The following KIF6 variants were observed in gnomAD, a reference collection of about 807,000 sequenced individuals.
KIF6 encodes kinesin-like protein KIF6.
A neutral mutation model predicts 112.7 loss-of-function variants in KIF6; 106 were observed. That is an observed-to-expected ratio of 0.94 (90% confidence interval 0.80 to 1.11). KIF6 has a LOEUF of 1.11. Among genes scored for constraint, KIF6 ranks in the 50% least tolerant of loss-of-function variants. KIF6 has a pLI of 0.00. For synonymous variants in KIF6, 339 were observed against 339.9 expected (o/e 1.00, Z 0.03); for missense variants, 929 against 964.0 (o/e 0.96, Z 0.48).
At chr6:39,478,682 G>T (rs370570395) in intron 13 of KIF6, among the ~76,000 whole-genome samples, 1 of 148,558 alleles carries the variant, frequency 6.7e-6, no homozygotes, top group South Asian at 2.1e-4. Context: ...CCTGTTCACT[G>T]CATCCATGAC....
At chr6:39,694,947 C>T (rs1788436879) in intron 3 of KIF6, among the ~76,000 whole-genome samples, 1 of 152,230 alleles carries the variant, frequency 6.6e-6, no homozygotes, top group South Asian at 2.1e-4. Flanking sequence ...ATCAAAAAAG[C>T]ATAGTACTAT....
rs61215070 is a variant in KIF6 at position 39,584,417 on chromosome 6, TAAA to T, written c.1077+478_1077+480del. 7.5e-3 allele frequency among the ~76,000 whole-genome samples: 346 copies of T among 46,040 alleles called. 8 individuals are homozygous for T. Among genetic ancestry groups the T allele is most frequent in the Middle Eastern group, 0.017 (1 of 58 alleles). 30.2% of individuals were successfully genotyped at this position (46,040 alleles called of 152,430 possible). On this transcript the variant is annotated intron_variant, in intron 9 of 22. Coordinates refer to ENST00000287152, the MANE Select transcript of KIF6 (RefSeq NM_145027.6). ...TCCAGCCTGAGCAAGACTCTGTCTC[TAAA>T]AAAAAAAAAAAAAAAAAAAAAAAAA... is the stretch of plus-strand genomic sequence containing the variant.
At chr6:39,513,258 C>T (rs1373839738) in intron 13 of KIF6, among the ~76,000 whole-genome samples, 3 of 152,196 alleles carry the variant, frequency 2.0e-5, no homozygotes, top group Admixed American at 2.0e-4. Context: ...CCTGTGGCAT[C>T]TGCATCAGCT....
chr6:39,605,181 T>A (rs1464422276), intron 6 of KIF6, among the ~76,000 whole-genome samples: 2 of 152,126 alleles, frequency 1.3e-5, no homozygotes, highest in African/African-American at 4.8e-5. Flanking sequence ...CCAAAATGTC[T>A]GCCCAACCCC....
chr6:39,509,441 G>C (rs772776162), intron 13 of KIF6, among the ~76,000 whole-genome samples: 1 of 152,194 alleles, frequency 6.6e-6, no homozygotes, highest in Non-Finnish European at 1.5e-5. Flanking sequence ...TCTGAGCTAA[G>C]AAGCATGTTC....
chr6:39,717,032 T>C (rs1381440963), intron 2 of KIF6, among the ~76,000 whole-genome samples: 1 of 152,186 alleles, frequency 6.6e-6, no homozygotes. Context: ...CACGCTACCA[T>C]AATTTCTTGC....
intron 19 of KIF6, among the ~76,000 whole-genome samples, chr6:39,353,097 A>G (rs535074445): frequency 7.2e-5 from 11 of 152,272 alleles, no homozygotes; most frequent in African/African-American, 2.2e-4. Flanking sequence ...GCTGGATTGT[A>G]TGGTAAGATC....
At chr6:39,724,846 G>C (rs1006952613) in intron 1 of KIF6, among the ~76,000 whole-genome samples, 3 of 152,198 alleles carry the variant, frequency 2.0e-5, no homozygotes, top group Admixed American at 6.5e-5. Context: ...GTGCCAAAAT[G>C]TACCTTTGAG....
intron 16 of KIF6, among the ~76,000 whole-genome samples, chr6:39,375,741 C>T (rs938929645): frequency 6.6e-6 from 1 of 152,198 alleles, no homozygotes; most frequent in Non-Finnish European, 1.5e-5. Context: ...GATTTCTCAG[C>T]CTCCACACTG....
chr6:39,714,744 C>G lies in KIF6; in HGVS notation c.199G>C (p.Asp67His). The G allele has an allele frequency of 6.2e-7, 1 of 1,612,994 alleles. No individual in the cohort carries two copies. The highest frequency in any genetic ancestry group is 8.5e-7 in the Non-Finnish European group (1 of 1,179,152). ...TCAAAAACGGTCTCTTGGTTTGCAT[C>G]CTGATCAAAAATTCTTTGAAATCTG... ...KFKFQRIFDQ[D>H]ANQETVFENI... The change falls in exon 3 of 23, where the codon GAT (aspartate) becomes CAT (histidine). Residue 67 changes from aspartate (D) to histidine (H), a missense_variant. Transcript: ENST00000287152.
intron 5 of KIF6, among the ~76,000 whole-genome samples, chr6:39,615,042 C>T (rs1288748904): frequency 6.6e-6 from 1 of 152,046 alleles, no homozygotes; most frequent in African/African-American, 2.4e-5. Flanking sequence ...GGTGCAGTGG[C>T]TCAAGCTTGT....
chr6:39,618,561 T>C (rs1011689812), intron 5 of KIF6, among the ~76,000 whole-genome samples: 1 of 152,162 alleles, frequency 6.6e-6, no homozygotes, highest in Non-Finnish European at 1.5e-5. Context: ...AACAAACTTT[T>C]TGTGGCAATA....
intron 2 of KIF6, among the ~76,000 whole-genome samples, chr6:39,718,098 T>C (rs1461168425): frequency 2.6e-5 from 4 of 151,536 alleles, no homozygotes; most frequent in Non-Finnish European, 5.9e-5. Flanking sequence ...GGTGTGGTGT[T>C]GCATGCCTGT....
intron 16 of KIF6, among the ~76,000 whole-genome samples, chr6:39,379,147 A>G (rs1766707952): frequency 6.6e-6 from 1 of 152,244 alleles, no homozygotes; most frequent in Non-Finnish European, 1.5e-5. Flanking sequence ...ATTAGTTAGT[A>G]TGCTTCCTGC....
chr6:39,474,951 C>T (rs1247949263), intron 13 of KIF6, among the ~76,000 whole-genome samples: 2 of 152,216 alleles, frequency 1.3e-5, no homozygotes, highest in Admixed American at 1.3e-4. Flanking sequence ...CAGATTATTA[C>T]AAAAACAATT....
rs1554212019 is a variant in KIF6 at position 39,418,061 on chromosome 6, G to GA, written c.1810+1886_1810+1887insT. Among the ~76,000 whole-genome samples the GA allele has an allele frequency of 3.6e-3, 549 of 151,944 alleles. 6 individuals carry two copies. The highest frequency in any genetic ancestry group is 0.027 in the Middle Eastern group (8 of 294). On this transcript the variant is annotated intron_variant, in intron 15 of 22. Transcript: ENST00000287152. The stretch of plus-strand genomic sequence containing the variant: ...ACTGCCCACTGTCTGGGACTGGGAT[G>GA]CCCCCCAGCAGAGTGTCTGCCTTCC...
chr6:39,446,537 A>C (rs1402747133), intron 13 of KIF6, among the ~76,000 whole-genome samples: 2 of 152,168 alleles, frequency 1.3e-5, no homozygotes, highest in African/African-American at 4.8e-5. Flanking sequence ...CTTGTTGCCC[A>C]GGCTGGAGTG....
At chr6:39,344,654 C>T (rs1019119715) in intron 21 of KIF6, among the ~76,000 whole-genome samples, 4 of 152,152 alleles carry the variant, frequency 2.6e-5, no homozygotes, top group African/African-American at 9.7e-5. Context: ...CTCTTGTCCT[C>T]CCATCCCTGA....
chr6:39,519,552 C>T (rs1192271314), intron 13 of KIF6, among the ~76,000 whole-genome samples: 1 of 152,112 alleles, frequency 6.6e-6, no homozygotes, highest in Non-Finnish European at 1.5e-5. Flanking sequence ...AGAAATTCTA[C>T]ATACTATAAC....
Sources: allele counts gnomAD v4.1 joint callset (sites outside exome capture counted in the v4.1 genomes callset), GRCh38; gene constraint gnomAD v4.1.1; transcripts MANE v1.5; gene names NCBI Gene and HGNC (gene_info 2026-07-23, HGNC 2026-07-21).